The following MSI1 variants were observed in gnomAD, a reference collection of about 807,000 sequenced individuals.
MSI1 encodes RNA-binding protein Musashi homolog 1.
MSI1 carries 15 observed loss-of-function variants against 54.4 expected under a neutral mutation model. That is an observed-to-expected ratio of 0.28 (90% confidence interval 0.18 to 0.42). The LOEUF (loss-of-function observed/expected upper bound fraction) is 0.42, where lower values mean the gene tolerates loss of function less well. Ranked by LOEUF, MSI1 falls within the 20% of genes least tolerant of loss-of-function variation. MSI1 has a pLI of 1.00. For missense variants in MSI1, 304 were observed against 506.0 expected, an observed-to-expected ratio of 0.60 and a Z score of 3.83; for synonymous variants, 200 against 196.5, an observed-to-expected ratio of 1.02 and a Z score of -0.15.
downstream of MSI1, among the ~76,000 whole-genome samples, chr12:120,340,675 C>T (rs1303223412): frequency 4.6e-5 from 7 of 151,254 alleles, no homozygotes; most frequent in African/African-American, 1.7e-4. Context: ...GCCACCATAC[C>T]TAAATAATTT....
At chr12:120,346,382 C>A in intron 12 of MSI1, 60 bp from the exon 13 acceptor site, 1 of 1,426,686 alleles carries the variant, frequency 7.0e-7, no homozygotes, top group Non-Finnish European at 9.3e-7. Context: ...CCACGGCACC[C>A]CCTCAAGCCT....
chr12:120,353,974 T>C (rs980006782), intron 9 of MSI1, among the ~76,000 whole-genome samples: 1 of 152,152 alleles, frequency 6.6e-6, no homozygotes, highest in Non-Finnish European at 1.5e-5. Flanking sequence ...ACTTATATAA[T>C]GATTTTTTTT....
Position 120,346,352 on chromosome 12 carries a change from C to T in MSI1, c.860-30G>A, listed in dbSNP as rs370433970. 2.6e-4 allele frequency: 382 copies of T among 1,480,850 alleles called. 4 individuals carry two copies. In the African/African-American group the frequency reaches 4.7e-3, roughly 18 times the overall value. 91.7% of individuals were successfully genotyped at this position (1,480,850 alleles called of 1,614,324 possible). ...CAACCCAGAAAGAAGACGGTGATAGCCCTGGTGCCCTCTGCCACCCCACGG... is the reference window on the plus strand; with the variant it reads ...CAACCCAGAAAGAAGACGGTGATAGTCCTGGTGCCCTCTGCCACCCCACGG... On this transcript the variant is annotated intron_variant, in intron 12 of 14. Coordinates refer to ENST00000257552, the MANE Select transcript of MSI1 (RefSeq NM_002442.4).
At chr12:120,353,218 C>T in intron 10 of MSI1, 81 bp downstream of exon 10, 1 of 1,383,340 alleles carries the variant, frequency 7.2e-7, no homozygotes, top group Non-Finnish European at 1.0e-6. Flanking sequence ...AGCCATGCAC[C>T]CCTAGACACC....
intron 7 of MSI1, 93 bp from the exon 8 acceptor site, chr12:120,357,991 T>A: frequency 9.6e-7 from 1 of 1,042,060 alleles, no homozygotes; most frequent in Non-Finnish European, 1.5e-6. Flanking sequence ...CGCTCCTCTC[T>A]CTCTGGCGAG....
In MSI1 at chr12:120,368,416, C is replaced by T; in HGVS notation, c.101-143G>A. 1.3e-6 allele frequency: 1 copy of T among 797,900 alleles called. No homozygotes were observed. The highest frequency in any genetic ancestry group is 1.8e-6 in the Non-Finnish European group (1 of 552,916). 49.4% of individuals were successfully genotyped at this position (797,900 alleles called of 1,614,324 possible). On this transcript the variant is annotated intron_variant, in intron 2 of 14. Coordinates refer to ENST00000257552, the MANE Select transcript of MSI1 (RefSeq NM_002442.4). The surrounding 1 kb of genome is among the most constrained non-coding windows in gnomAD (Gnocchi z 6.6). ...CGTTCTCCACTGCCGCCGCCCCCCA[C>T]CGCCCTCGCCCCGTTCCCGCTGAGC... is the stretch of plus-strand genomic sequence containing the variant.
intron 14 of MSI1, among the ~76,000 whole-genome samples, chr12:120,343,841 A>C (rs1000779312): frequency 1.3e-5 from 2 of 151,998 alleles, no homozygotes; most frequent in Non-Finnish European, 2.9e-5. Context: ...ACACAGTCCC[A>C]CAAGTCGAGG....
At position 120,356,818 on chromosome 12, in the gene MSI1, G is replaced by A. The variant is rs1592938692; in HGVS notation, c.652+84C>T. The A allele has an allele frequency of 3.3e-6, 4 of 1,204,552 alleles. No homozygotes were observed. The African/African-American group carries it at 4.5e-5, about 13-fold the overall frequency. 74.6% of individuals were successfully genotyped at this position (1,204,552 alleles called of 1,614,324 possible). A position where few individuals can be genotyped will look rare whatever the true frequency, so the allele number is the denominator to read the frequency against. ...CAGACAGGAGGAGGGCAGACCACAG[G>A]GGAGGTGCAACACCCACACAGCCCC... On this transcript the variant is annotated intron_variant, in intron 9 of 14. Transcript: ENST00000257552.
chr12:120,340,160 C>T (rs1486680310), downstream of MSI1, among the ~76,000 whole-genome samples: 1 of 151,412 alleles, frequency 6.6e-6, no homozygotes, highest in Admixed American at 6.6e-5. Context: ...GACCTTGGCT[C>T]ACTGCAACCT....
intron 11 of MSI1, among the ~76,000 whole-genome samples, chr12:120,349,941 C>T (rs1874452441): frequency 6.6e-6 from 1 of 152,174 alleles, no homozygotes; most frequent in African/African-American, 2.4e-5. Context: ...GTATTTGCTC[C>T]CCTCTCTAAA....
rs998757744 is a variant in MSI1 at position 120,351,259 on chromosome 12, C to T, written c.790+85G>A. On this transcript the variant is annotated intron_variant, in intron 11 of 14. Coordinates refer to ENST00000257552, the MANE Select transcript of MSI1 (RefSeq NM_002442.4). ...GCTGGCGGGCAGGAGAAAAGGATCC[C>T]GCTAGCTTTCCCCAGGAAACTCCCT... is the stretch of plus-strand genomic sequence containing the variant. The T allele has an allele frequency of 2.2e-5, 29 of 1,289,682 alleles. No individual in the cohort carries two copies. In the Middle Eastern group the frequency reaches 7.7e-4, roughly 34 times the overall value. 79.9% of individuals were successfully genotyped at this position (1,289,682 alleles called of 1,614,324 possible). A position where few individuals can be genotyped will look rare whatever the true frequency, so the allele number is the denominator to read the frequency against.
Position 120,342,158 on chromosome 12 carries a change from T to C in MSI1, c.*969A>G, listed in dbSNP as rs1873716602. ...AGAAACCATGAAGCCCCAACCTAGG[T>C]AGGGAGCAGGGGAGACCTTTGGAGA... On this transcript the variant is annotated 3_prime_UTR_variant, in exon 15 of 15. Transcript: ENST00000257552. 2.0e-5 allele frequency: 3 copies of C among 152,842 alleles called. No homozygotes were observed. The highest frequency in any genetic ancestry group is 4.4e-5 in the Non-Finnish European group (3 of 68,302). The allele number at this position is 152,842 out of a possible 1,614,324, so 9.5% of individuals were successfully genotyped here. A position where few individuals can be genotyped will look rare whatever the true frequency, so the allele number is the denominator to read the frequency against.
At chr12:120,347,298 C>A in intron 12 of MSI1, 148 bp downstream of exon 12, 1 of 1,043,162 alleles carries the variant, frequency 9.6e-7, no homozygotes. Flanking sequence ...TGGCACGATG[C>A]CCAGCACAGA....
chr12:120,352,738 T>C (rs1339719144), intron 10 of MSI1, among the ~76,000 whole-genome samples: 1 of 151,514 alleles, frequency 6.6e-6, no homozygotes, highest in Non-Finnish European at 1.5e-5. Flanking sequence ...GAAAACTGCA[T>C]TGAATAGTCA....
chr12:120,362,505 T>C (rs1875736786), intron 6 of MSI1, among the ~76,000 whole-genome samples: 1 of 152,152 alleles, frequency 6.6e-6, no homozygotes, highest in African/African-American at 2.4e-5. Context: ...CCTCTGGGCC[T>C]GATCAGGAAT....
chr12:120,346,616 A>G (rs918692329), intron 12 of MSI1, among the ~76,000 whole-genome samples: 2 of 151,668 alleles, frequency 1.3e-5, no homozygotes, highest in Non-Finnish European at 2.9e-5. Flanking sequence ...GCTACTTGCA[A>G]TTTCCACTGT....
chr12:120,347,912 G>C (rs576856342), intron 11 of MSI1, among the ~76,000 whole-genome samples: 1 of 152,290 alleles, frequency 6.6e-6, no homozygotes, highest in South Asian at 2.1e-4. Flanking sequence ...GAGGTGCCTG[G>C]GAGCTCACGT....
At chr12:120,359,211 A>C (rs1875420542) in intron 6 of MSI1, among the ~76,000 whole-genome samples, 158 bp from the exon 7 acceptor site, 1 of 152,022 alleles carries the variant, frequency 6.6e-6, no homozygotes, top group Admixed American at 6.5e-5. Context: ...CTGCAACCCC[A>C]CTGAAAACCC....
chr12:120,344,549 T>A (rs1873952261), intron 14 of MSI1, among the ~76,000 whole-genome samples: 1 of 150,514 alleles, frequency 6.6e-6, no homozygotes, highest in Non-Finnish European at 1.5e-5. Flanking sequence ...ACAAAAAAAT[T>A]TTTTAAAAAC....
Sources: gnomAD v4.1 joint callset for allele counts (sites outside exome capture counted in the v4.1 genomes callset) on GRCh38, gnomAD v4.1.1 for gene constraint, Gnocchi (gnomAD v3.1) non-coding constraint, MANE v1.5 for transcripts, NCBI Gene and HGNC (gene_info 2026-07-23, HGNC 2026-07-21) for gene names.